CHST12: variants seen among roughly 807,000 people sequenced by gnomAD.
The protein encoded by CHST12 is carbohydrate sulfotransferase 12.
A neutral mutation model predicts 27.9 loss-of-function variants in CHST12; 23 were observed. The observed-to-expected ratio is 0.82, with a 90% CI of 0.59 to 1.17. The LOEUF (loss-of-function observed/expected upper bound fraction) is 1.17, where lower values mean the gene tolerates loss of function less well. Ranked by LOEUF, CHST12 falls within the 50% of genes most tolerant of loss-of-function variation. The pLI is 0.00. For synonymous variants in CHST12, 322 were observed against 273.0 expected (o/e 1.18, Z -1.77); for missense variants, 682 against 603.0 (o/e 1.13, Z -1.37).
intron 1 of CHST12, among the ~76,000 whole-genome samples, chr7:2,430,989 G>A (rs1037583929): frequency 6.6e-6 from 1 of 152,216 alleles, no homozygotes; most frequent in Admixed American, 6.5e-5. Flanking sequence ...TGAGTGTTCT[G>A]CATATGTCGG....
chr7:2,440,182 A>G lies in CHST12; in HGVS notation c.*6298A>G, dbSNP rs535657847. On this transcript the variant is annotated 3_prime_UTR_variant, in exon 2 of 2. Coordinates refer to ENST00000618655, the MANE Select transcript of CHST12 (RefSeq NM_018641.5). ...CCATGGCTGTCATGGTGCCATCTGG[A>G]GAGCATTTGCTCACTGTAATGGTCC... is the stretch of plus-strand genomic sequence containing the variant. The G allele has an allele frequency of 1.3e-5, 2 of 154,248 alleles. No individual in the cohort carries two copies. The highest frequency in any genetic ancestry group is 3.9e-4 in the East Asian group (2 of 5,174). The allele number at this position is 154,248 out of a possible 1,614,324, so 9.6% of individuals were successfully genotyped here.
Position 2,416,183 on chromosome 7 carries a change from C to T in CHST12, c.-78+12510C>T, listed in dbSNP as rs369187933. Among the ~76,000 whole-genome samples the T allele has an allele frequency of 1.1e-4, 17 of 152,300 alleles. No homozygotes were observed. The East Asian group carries it at 1.9e-3, about 17-fold the overall frequency. On this transcript the variant is annotated intron_variant, in intron 1 of 1. Transcript: ENST00000618655. ...TCAAGAAACTGCTCTTTCGTTCCTT[C>T]GTAAGAAGCAACTCTTCATCTGTTC...
rs562556431 is a variant in CHST12 at position 2,427,575 on chromosome 7, A to AC, written c.-77-4980dup. ...ACACAGTTTGGGCCTTCCATCTGCC[A>AC]CCCCCCCCTACAGAGATGATAGAAA... On this transcript the variant is annotated intron_variant, in intron 1 of 1. Coordinates refer to ENST00000618655, the MANE Select transcript of CHST12 (RefSeq NM_018641.5). Among the ~76,000 whole-genome samples the AC allele has an allele frequency of 3.6e-3, 542 of 150,006 alleles. 6 individuals are homozygous for AC. The highest frequency in any genetic ancestry group is 0.03 in the South Asian group (141 of 4,732).
intron 1 of CHST12, 136 bp downstream of exon 1, chr7:2,403,809 G>A (rs980619849): frequency 1.3e-5 from 2 of 152,636 alleles, no homozygotes; most frequent in Non-Finnish European, 2.9e-5. Context: ...CTGGCCTGGC[G>A]GGCGCGGCTT....
At chr7:2,406,951 T>C (rs762835970) in intron 1 of CHST12, among the ~76,000 whole-genome samples, 1 of 150,732 alleles carries the variant, frequency 6.6e-6, no homozygotes, top group Non-Finnish European at 1.5e-5. Context: ...AGCGAAAATA[T>C]CGCGAACATG....
rs1469981881 is a variant in CHST12, at chr7:2,433,405, C to T, written c.766C>T (p.Arg256Cys). 1.1e-5 allele frequency: 17 copies of T among 1,609,544 alleles called. No individual in the cohort carries two copies. The highest frequency in any genetic ancestry group is 1.4e-5 in the Non-Finnish European group (16 of 1,179,914). ...CTTCGTGCGCCTGATCTCCGCCTTC[C>T]GCAGCAAGTTCGAGCTGGAGAACGA... ...DPFVRLISAF[R>C]SKFELENEEF... Residue 256 changes from arginine (R) to cysteine (C), a missense_variant, in exon 2 of 2, where the codon CGC (arginine) becomes TGC (cysteine). Transcript: ENST00000618655. The surrounding 1 kb of genome is among the most constrained non-coding windows in gnomAD (Gnocchi z 6.1).
chr7:2,432,507 G>A (rs1782298926), intron 1 of CHST12, 56 bp from the exon 2 acceptor site: 2 of 1,045,938 alleles, frequency 1.9e-6, no homozygotes, highest in South Asian at 1.6e-5. Context: ...TCAGAAGGCA[G>A]GAGTCAGAGC....
rs1476628433 is a variant in CHST12 at position 2,441,753 on chromosome 7, A to G, written c.*7869A>G. ...TCATTAGAAGGCCATCCTGTTTAGA[A>G]GAGTGGGTTTCTCATAAGAAAAAAA... is the stretch of plus-strand genomic sequence containing the variant. On this transcript the variant is annotated 3_prime_UTR_variant, in exon 2 of 2. Transcript: ENST00000618655. 3.3e-5 allele frequency: 5 copies of G among 151,932 alleles called. No individual in the cohort carries two copies. The highest frequency in any genetic ancestry group is 7.4e-5 in the Non-Finnish European group (5 of 67,986). The allele number at this position is 151,932 out of a possible 1,614,324, so 9.4% of individuals were successfully genotyped here.
chr7:2,433,717 C>A lies in CHST12; in HGVS notation c.1078C>A (p.Arg360=), dbSNP rs770683070. The change falls in exon 2 of 2, where the codon CGG becomes AGG. Residue 360 remains arginine, a synonymous_variant. Transcript: ENST00000618655. The surrounding 1 kb of genome is among the most constrained non-coding windows in gnomAD (Gnocchi z 6.1). The part of the protein sequence containing the change: ...AQLLQLLQVD[R]QLRFPPSYRN... The stretch of plus-strand genomic sequence containing the variant: ...GCTGCTGCAGCTACTCCAGGTGGAC[C>A]GGCAGCTCCGCTTCCCCCCGAGCTA... 1.9e-6 allele frequency: 3 copies of A among 1,613,512 alleles called. No individual in the cohort carries two copies. Among genetic ancestry groups the A allele is most frequent in the Non-Finnish European group, 2.5e-6 (3 of 1,179,882 alleles).
chr7:2,433,233 C>T lies in CHST12; in HGVS notation c.594C>T (p.Asp198=). 1.9e-6 allele frequency: 3 copies of T among 1,611,972 alleles called. No homozygotes were observed. Among genetic ancestry groups the T allele is most frequent in the African/African-American group, 1.3e-5 (1 of 75,020 alleles). ...SLLHRGAPYR[D]PLRIPREHVH... ...TGCACCGCGGTGCGCCCTACCGCGA[C>T]CCGCTGCGCATCCCGCGCGAGCACG... Residue 198 remains aspartate (D), a synonymous_variant, in exon 2 of 2, where the codon GAC becomes GAT. Transcript: ENST00000618655. The surrounding 1 kb of genome is among the most constrained non-coding windows in gnomAD (Gnocchi z 6.1).
chr7:2,415,741 T>C (rs372297429), intron 1 of CHST12, among the ~76,000 whole-genome samples: 7 of 151,816 alleles, frequency 4.6e-5, no homozygotes, highest in Non-Finnish European at 7.4e-5. Context: ...GCCTCCTGAG[T>C]AGCTGGGACT....
At chr7:2,423,469 C>G (rs1782029231) in intron 1 of CHST12, among the ~76,000 whole-genome samples, 1 of 152,120 alleles carries the variant, frequency 6.6e-6, no homozygotes, top group South Asian at 2.1e-4. Flanking sequence ...GCAGCAGGCC[C>G]TCTGATGCTC....
intron 1 of CHST12, among the ~76,000 whole-genome samples, chr7:2,429,649 T>C (rs1196793292): frequency 6.6e-6 from 1 of 152,216 alleles, no homozygotes; most frequent in Non-Finnish European, 1.5e-5. Context: ...GGTTGCTAAA[T>C]TTGTGGGCGT....
intron 1 of CHST12, among the ~76,000 whole-genome samples, chr7:2,416,962 CT>C (rs1781826119): frequency 6.6e-6 from 1 of 152,174 alleles, no homozygotes. Context: ...AAGAAGGCAG[CT>C]TTTCTTTTGC....
rs1446019494 is a variant in CHST12, at chr7:2,441,038, C to T, written c.*7154C>T. On this transcript the variant is annotated 3_prime_UTR_variant, in exon 2 of 2. Coordinates refer to ENST00000618655, the MANE Select transcript of CHST12 (RefSeq NM_018641.5). Reference sequence around the variant, plus strand: ...GGGCAATGTTCTGCTTATAATGTTTCAAGAGGTTCAAAGCGTGCAGGCCCC... The same window carrying T: ...GGGCAATGTTCTGCTTATAATGTTTTAAGAGGTTCAAAGCGTGCAGGCCCC... 6.6e-6 allele frequency: 1 copy of T among 152,188 alleles called. No individual in the cohort carries two copies. The highest frequency in any genetic ancestry group is 1.5e-5 in the Non-Finnish European group (1 of 68,038). 9.4% of individuals were successfully genotyped at this position (152,188 alleles called of 1,614,324 possible). A position where few individuals can be genotyped will look rare whatever the true frequency, so the allele number is the denominator to read the frequency against.
chr7:2,409,808 G>A (rs986893470), intron 1 of CHST12, among the ~76,000 whole-genome samples: 2 of 152,176 alleles, frequency 1.3e-5, no homozygotes, highest in African/African-American at 4.8e-5. Context: ...TGCTCTGATG[G>A]AATGGCGGCC....
intron 1 of CHST12, among the ~76,000 whole-genome samples, chr7:2,418,642 C>T (rs1223513398): frequency 6.6e-6 from 1 of 152,176 alleles, no homozygotes; most frequent in East Asian, 1.9e-4. Flanking sequence ...GGATCATGAC[C>T]GCAGTGCTCA....
intron 1 of CHST12, among the ~76,000 whole-genome samples, chr7:2,427,714 G>C (rs1442869602): frequency 2.0e-5 from 3 of 152,088 alleles, no homozygotes; most frequent in Non-Finnish European, 4.4e-5. Flanking sequence ...GTTCCTTCCT[G>C]TAGGAGTTGA....
At chr7:2,431,998 G>A (rs1782280417) in intron 1 of CHST12, among the ~76,000 whole-genome samples, 1 of 151,948 alleles carries the variant, frequency 6.6e-6, no homozygotes, top group Non-Finnish European at 1.5e-5. Flanking sequence ...TGTGGCTATG[G>A]TTTATTATAG....
Sources: gnomAD v4.1 joint callset for allele counts (sites outside exome capture counted in the v4.1 genomes callset) on GRCh38, gnomAD v4.1.1 for gene constraint, Gnocchi (gnomAD v3.1) non-coding constraint, MANE v1.5 for transcripts, NCBI Gene and HGNC (gene_info 2026-07-23, HGNC 2026-07-21) for gene names.